The following CUL9 variants were observed in gnomAD, a reference collection of about 807,000 sequenced individuals.
CUL9 encodes the protein cullin-9.
Under a neutral mutation model 272.6 loss-of-function variants are expected in CUL9, and 79 were observed. The ratio of observed to expected loss-of-function variants is 0.29; its 90% CI spans 0.24 to 0.35. The LOEUF (loss-of-function observed/expected upper bound fraction) is 0.35. Ranked by LOEUF, CUL9 falls within the 10% of genes least tolerant of loss-of-function variation. The pLI, the probability that CUL9 is intolerant of heterozygous loss-of-function variation, is 1.00. For missense variants in CUL9, 2,532 were observed against 3,255.6 expected, an observed-to-expected ratio of 0.78 and a Z score of 5.41; for synonymous variants, 1,186 against 1,286.5, an observed-to-expected ratio of 0.92 and a Z score of 1.67.
intron 1 of CUL9, among the ~76,000 whole-genome samples, chr6:43,183,943 G>A (rs1177885425): frequency 1.3e-5 from 2 of 152,026 alleles, no homozygotes; most frequent in Non-Finnish European, 2.9e-5. Context: ...AGTAGAGACG[G>A]GGTTTCACTA....
In CUL9 at chr6:43,193,147, C is replaced by G; in HGVS notation, c.2327C>G (p.Ala776Gly). ...TTTGCCAGGGAGGGTGGCATCTATGCTGTGCTGGTCTGCATGCAAGAATAT... is the reference window on the plus strand; with the variant it reads ...TTTGCCAGGGAGGGTGGCATCTATGGTGTGCTGGTCTGCATGCAAGAATAT... ...PLFAREGGIY[A>G]VLVCMQEYKT... The change falls in exon 9 of 41, where the codon GCT becomes GGT. Residue 776 changes from alanine (A) to glycine (G), a missense_variant. Around this residue, in one of 3 missense-constraint regions of CUL9, gnomAD observed 2,218 missense variants for 2,788.6 expected, o/e 0.80. Coordinates refer to ENST00000252050, the MANE Select transcript of CUL9 (RefSeq NM_015089.4). The G allele has an allele frequency of 6.2e-7, 1 of 1,614,200 alleles. No homozygotes were observed.
chr6:43,202,125 T>C lies in CUL9; in HGVS notation c.3648-591T>C, dbSNP rs1330164851. On this transcript the variant is annotated intron_variant, in intron 16 of 40. Coordinates refer to ENST00000252050, the MANE Select transcript of CUL9 (RefSeq NM_015089.4). ...ACTTGCCTTTGGGTGAGGGAAGCCA[T>C]GAGAAGGTGAAGGCCTCAGTGACAG... Among the ~76,000 whole-genome samples the C allele has an allele frequency of 2.6e-5, 4 of 152,108 alleles. No homozygotes were observed. The East Asian group carries it at 7.7e-4, about 29-fold the overall frequency.
intron 9 of CUL9, among the ~76,000 whole-genome samples, chr6:43,195,627 G>T (rs879606791): frequency 2.6e-4 from 40 of 152,184 alleles, no homozygotes; most frequent in Non-Finnish European, 5.4e-4. Flanking sequence ...GTGAAGTCAT[G>T]GAACTCAAGG....
intron 6 of CUL9, 92 bp from the exon 7 acceptor site, chr6:43,187,621 G>A: frequency 7.0e-7 from 1 of 1,428,220 alleles, no homozygotes; most frequent in Non-Finnish European, 9.7e-7. Context: ...GAAGGTGTGG[G>A]GGCATGGTAG....
chr6:43,204,822 A>G lies in CUL9; in HGVS notation c.4414A>G (p.Ile1472Val), dbSNP rs138637879. 1.1e-4 allele frequency: 172 copies of G among 1,614,104 alleles called. No individual in the cohort carries two copies. Among genetic ancestry groups the G allele is most frequent in the South Asian group, 1.2e-4 (11 of 91,092 alleles). The change falls in exon 22 of 41, where the codon ATA (isoleucine) becomes GTA (valine). Residue 1472 changes from isoleucine to valine, a missense_variant. Around this residue, in one of 3 missense-constraint regions of CUL9, gnomAD observed 2,218 missense variants for 2,788.6 expected, o/e 0.80. Coordinates refer to ENST00000252050, the MANE Select transcript of CUL9 (RefSeq NM_015089.4). Reference sequence around the variant, plus strand: ...GCTTCCAAGCAGCAGCCTGAGGAACATAACCCAGTGCTGGCTGAGCGTGGT... The same window carrying G: ...GCTTCCAAGCAGCAGCCTGAGGAACGTAACCCAGTGCTGGCTGAGCGTGGT... ...PVLPSSSLRN[I>V]TQCWLSVVQE...
At position 43,222,343 on chromosome 6, in the gene CUL9, C is replaced by T. The variant is rs1315900565; in HGVS notation, c.6874C>T (p.Arg2292Trp). Residue 2292 changes from arginine to tryptophan, a missense_variant, in exon 36 of 41, where the codon CGG (arginine) becomes TGG (tryptophan). Around this residue, in one of 3 missense-constraint regions of CUL9, gnomAD observed 237 missense variants for 305.9 expected, o/e 0.77. Coordinates refer to ENST00000252050, the MANE Select transcript of CUL9 (RefSeq NM_015089.4). The part of the protein sequence containing the change: ...MVSKAARQEK[R>W]FQDYNERCTF... ...AAGCAAGGCAGCTCGCCAGGAGAAGCGGTTTCAGGACTATAATGAGAGGTG... is the reference window on the plus strand; with the variant it reads ...AAGCAAGGCAGCTCGCCAGGAGAAGTGGTTTCAGGACTATAATGAGAGGTG... 5.6e-6 allele frequency: 9 copies of T among 1,606,186 alleles called. No individual in the cohort carries two copies. The highest frequency in any genetic ancestry group is 1.1e-5 in the South Asian group (1 of 90,900).
At chr6:43,191,252 T>TTTG (rs773987863) in intron 8 of CUL9, among the ~76,000 whole-genome samples, 1 of 126,974 alleles carries the variant, frequency 7.9e-6, no homozygotes, top group Non-Finnish European at 1.6e-5. Context: ...CTAAATTGCA[T>TTTG]TGTGTGTGTG....
At position 43,200,425 on chromosome 6, in the gene CUL9, TC is replaced by T. The variant is rs760061596; in HGVS notation, c.3385-9del. ...TCCTCTTCCTCATTCTCCCTGATGT[TC>T]CGGCTGCAGATGGTGCTGGGCCAGA... On this transcript the variant is annotated splice_polypyrimidine_tract_variant and intron_variant, in intron 14 of 40. Transcript: ENST00000252050. The surrounding 1 kb of genome is among the most constrained non-coding windows in gnomAD (Gnocchi z 4.0). 24 of 1,614,146 alleles carry T rather than the reference TC, an allele frequency of 1.5e-5. No individual in the cohort carries two copies. Among genetic ancestry groups the T allele is most frequent in the Middle Eastern group, 3.3e-4 (2 of 6,062 alleles).
intron 26 of CUL9, among the ~76,000 whole-genome samples, chr6:43,209,587 CCTTT>C (rs1242859285): frequency 1.3e-5 from 2 of 152,186 alleles, no homozygotes; most frequent in African/African-American, 2.4e-5. Context: ...AGTTCCCCAT[CCTTT>C]CTTTCTTTGT....
intron 31 of CUL9, among the ~76,000 whole-genome samples, chr6:43,219,931 G>A (rs1162477498): frequency 1.3e-5 from 2 of 152,164 alleles, no homozygotes; most frequent in African/African-American, 4.8e-5. Context: ...AGTGGTGCAA[G>A]TTGATCAGGG....
chr6:43,199,426 C>A lies in CUL9; in HGVS notation c.3156+55C>A. ...GGAAGGGCAGCATCTGGGGCACCAA[C>A]TCCTTGTGAGGCTCTGGAGGGCACA... is the stretch of plus-strand genomic sequence containing the variant. On this transcript the variant is annotated intron_variant, in intron 13 of 40. Transcript: ENST00000252050. The surrounding 1 kb of genome is among the most constrained non-coding windows in gnomAD (Gnocchi z 4.4). 1 of 1,401,326 alleles carries A rather than the reference C, an allele frequency of 7.1e-7. No homozygotes were observed. Among genetic ancestry groups the A allele is most frequent in the Non-Finnish European group, 1.0e-6 (1 of 988,948 alleles). The allele number at this position is 1,401,326 out of a possible 1,614,324, so 86.8% of individuals were successfully genotyped here.
Position 43,198,660 on chromosome 6 carries a change from T to A in CUL9, c.2855T>A (p.Ile952Asn). 1.2e-6 allele frequency: 2 copies of A among 1,614,038 alleles called. No homozygotes were observed. The highest frequency in any genetic ancestry group is 1.7e-6 in the Non-Finnish European group (2 of 1,179,970). Reference protein sequence around the residue: ...QGQDGSPELLIRSLVGGPSAE... With the variant: ...QGQDGSPELLNRSLVGGPSAE... Reference sequence around the variant, plus strand: ...CAGGATGGGTCCCCTGAGCTACTGATTCGATCCCTGGTTGGGGGCCCATCT... The same window carrying A: ...CAGGATGGGTCCCCTGAGCTACTGAATCGATCCCTGGTTGGGGGCCCATCT... Residue 952 changes from isoleucine (I) to asparagine (N), a missense_variant, in exon 12 of 41, where the codon ATT becomes AAT. Physicochemically the swap from Ile to Asn is moderately radical, Grantham distance 149 (BLOSUM62 -3). Around this residue, in one of 3 missense-constraint regions of CUL9, gnomAD observed 2,218 missense variants for 2,788.6 expected, o/e 0.80. Transcript: ENST00000252050.
chr6:43,203,486 C>A lies in CUL9; in HGVS notation c.3919C>A (p.Arg1307=), dbSNP rs374291463. 1 of 1,614,122 alleles carries A rather than the reference C, an allele frequency of 6.2e-7. No homozygotes were observed. The highest frequency in any genetic ancestry group is 8.5e-7 in the Non-Finnish European group (1 of 1,180,014). ...GPKPTFWPLF[R]EQLCRRTCLF... ...TAAGCCCACATTCTGGCCACTGTTC[C>A]GGGAGCAGCTGTGTCGCCGAACATG... The change falls in exon 19 of 41, where the codon CGG becomes AGG. Residue 1307 remains arginine, a synonymous_variant. Transcript: ENST00000252050. This position sits in a 1 kb window ranked among gnomAD's most constrained non-coding sequence, Gnocchi z 5.0.
In CUL9 at chr6:43,196,743, ACACGT is replaced by A; in HGVS notation, c.2685_2689del (p.Thr896ValfsTer2). ...CAGATTATAACCCAAGAGCTGAGAG[ACACGT>A]TGTTTAGGCACTCAGGGATAGCACC... On this transcript the variant is annotated frameshift_variant, in exon 11 of 41. Coordinates refer to ENST00000252050, the MANE Select transcript of CUL9 (RefSeq NM_015089.4). LOFTEE classifies it high-confidence loss of function. The A allele has an allele frequency of 6.2e-7, 1 of 1,614,188 alleles. No homozygotes were observed. Among genetic ancestry groups the A allele is most frequent in the Non-Finnish European group, 8.5e-7 (1 of 1,180,010 alleles).
At chr6:43,211,443 A>T (rs1274885198) in intron 26 of CUL9, among the ~76,000 whole-genome samples, 1 of 152,184 alleles carries the variant, frequency 6.6e-6, no homozygotes, top group Non-Finnish European at 1.5e-5. Context: ...CTGTAATCCC[A>T]GCCACTTGGG....
At chr6:43,189,303 C>T (rs559863480) in intron 8 of CUL9, among the ~76,000 whole-genome samples, 11 of 151,710 alleles carry the variant, frequency 7.3e-5, no homozygotes, top group Non-Finnish European at 1.3e-4. Context: ...GATTCTCCCG[C>T]CTCAGCCTCC....
chr6:43,210,732 A>C (rs910914280), intron 26 of CUL9, among the ~76,000 whole-genome samples: 1 of 152,156 alleles, frequency 6.6e-6, no homozygotes, highest in Non-Finnish European at 1.5e-5. Flanking sequence ...ACAAATTCAT[A>C]ATAAATTCAT....
rs1289591335 is a variant in CUL9 at position 43,202,808 on chromosome 6, C to T, written c.3740C>T (p.Thr1247Ile). Reference protein sequence around the residue: ...FGGDSTSCIGTELNTVNVMPS... With the variant: ...FGGDSTSCIGIELNTVNVMPS... The stretch of plus-strand genomic sequence containing the variant: ...GGTGACAGCACCAGCTGCATCGGCA[C>T]TGAGCTCAACACGGTGGGGACCCTT... Residue 1247 changes from threonine to isoleucine, a missense_variant, in exon 17 of 41, where the codon ACT (threonine) becomes ATT (isoleucine). Transcript: ENST00000252050. 1 of 1,614,130 alleles carries T rather than the reference C, an allele frequency of 6.2e-7. No individual in the cohort carries two copies. The highest frequency in any genetic ancestry group is 1.1e-5 in the South Asian group (1 of 91,078).
Position 43,203,248 on chromosome 6 carries a change from A to G in CUL9, c.3849+44A>G, listed in dbSNP as rs747982867. 5.8e-5 allele frequency: 93 copies of G among 1,609,262 alleles called. No homozygotes were observed. The highest frequency in any genetic ancestry group is 7.7e-5 in the Non-Finnish European group (90 of 1,175,758). ...CCAGGGCTGAGGAGGAGGAGGTGGC[A>G]CACAAGTTTCTCCTTGATCTGCTTG... On this transcript the variant is annotated intron_variant, in intron 18 of 40. Transcript: ENST00000252050. The surrounding 1 kb of genome is among the most constrained non-coding windows in gnomAD (Gnocchi z 5.0).
Sources: allele counts gnomAD v4.1 joint callset (sites outside exome capture counted in the v4.1 genomes callset), GRCh38; gene constraint gnomAD v4.1.1; regional missense constraint gnomAD v4.1.1; non-coding constraint Gnocchi (gnomAD v3.1); transcripts MANE v1.5; gene names NCBI Gene and HGNC (gene_info 2026-07-23, HGNC 2026-07-21).